Variants in MCTP1 observed in about 807,000 individuals in gnomAD.
MCTP1 encodes multiple C2 and transmembrane domain-containing protein 1.
A neutral mutation model predicts 120.6 loss-of-function variants in MCTP1; 69 were observed. That is an observed-to-expected ratio of 0.57 (90% CI 0.47 to 0.70). MCTP1 has a LOEUF of 0.70. MCTP1 is among the 30% of genes least tolerant of loss of function. The pLI, the probability that MCTP1 is intolerant of heterozygous loss-of-function variation, is 0.00. For missense variants in MCTP1, 1,203 were observed against 1,248.8 expected (o/e 0.96, Z 0.55); for synonymous variants, 529 against 493.1 (o/e 1.07, Z -0.96).
At chr5:95,057,820 T>C (rs1490245172) in intron 1 of MCTP1, among the ~76,000 whole-genome samples, 2 of 152,302 alleles carry the variant, frequency 1.3e-5, no homozygotes, top group African/African-American at 4.8e-5. Context: ...GGATCACCAA[T>C]GATCCGCAAA....
At chr5:95,023,761 C>T (rs564693246) in intron 1 of MCTP1, among the ~76,000 whole-genome samples, 43 of 152,282 alleles carry the variant, frequency 2.8e-4, no homozygotes, top group Non-Finnish European at 5.7e-4. Context: ...AGCTTCCAAA[C>T]ATAAAGATAT....
intron 19 of MCTP1, among the ~76,000 whole-genome samples, chr5:94,724,720 C>T (rs1304614087): frequency 1.3e-5 from 2 of 152,098 alleles, no homozygotes; most frequent in Non-Finnish European, 2.9e-5. Context: ...TACCCAGGGA[C>T]CTGTATTTGA....
At chr5:94,809,537 G>A (rs1783016519) in intron 17 of MCTP1, among the ~76,000 whole-genome samples, 1 of 152,094 alleles carries the variant, frequency 6.6e-6, no homozygotes, top group Admixed American at 6.6e-5. Context: ...TTAGAAATTA[G>A]TCTGTTACCT....
intron 1 of MCTP1, among the ~76,000 whole-genome samples, chr5:95,041,375 G>A (rs1204251570): frequency 6.6e-6 from 1 of 151,022 alleles, no homozygotes; most frequent in Non-Finnish European, 1.5e-5. Context: ...AAACTATATG[G>A]TAATTTTAAC....
chr5:94,927,675 A>C (rs1813508424), intron 6 of MCTP1, among the ~76,000 whole-genome samples: 1 of 152,188 alleles, frequency 6.6e-6, no homozygotes, highest in Non-Finnish European at 1.5e-5. Context: ...ATACTTAAAG[A>C]TGTGTTAATC....
chr5:95,157,278 C>G (rs1367450360), intron 1 of MCTP1, among the ~76,000 whole-genome samples: 1 of 152,022 alleles, frequency 6.6e-6, no homozygotes, highest in East Asian at 1.9e-4. Context: ...GGGAATGGGA[C>G]ATGGAATAGC....
intron 5 of MCTP1, among the ~76,000 whole-genome samples, chr5:94,932,841 A>G (rs2153482987): frequency 6.6e-6 from 1 of 152,126 alleles, no homozygotes; most frequent in East Asian, 1.9e-4. Context: ...TGCTTGTGCC[A>G]TATTTGTGTA....
chr5:95,283,762 C>T (rs1186472778), intron 1 of MCTP1, 94 bp downstream of exon 1: 15 of 1,049,088 alleles, frequency 1.4e-5, no homozygotes, highest in Non-Finnish European at 1.7e-5. Flanking sequence ...CTCCCGCCTC[C>T]CGGCCCCCGC....
At chr5:95,115,424 CAA>C (rs1757751212) in intron 1 of MCTP1, among the ~76,000 whole-genome samples, 1 of 151,784 alleles carries the variant, frequency 6.6e-6, no homozygotes, top group Non-Finnish European at 1.5e-5. Flanking sequence ...ATAAACTGAA[CAA>C]AGAGATTAAA....
intron 1 of MCTP1, among the ~76,000 whole-genome samples, chr5:95,078,160 T>C (rs1418747348): frequency 6.6e-6 from 1 of 152,206 alleles, no homozygotes; most frequent in East Asian, 1.9e-4. Context: ...CAAATCAAAA[T>C]GGACCTAGTT....
intron 2 of MCTP1, among the ~76,000 whole-genome samples, chr5:95,014,881 T>C (rs994995138): frequency 3.9e-5 from 6 of 152,140 alleles, no homozygotes; most frequent in Non-Finnish European, 8.8e-5. Flanking sequence ...AACTTCATTG[T>C]TGTGTAATTT....
chr5:95,001,332 C>G (rs559502727), intron 2 of MCTP1, among the ~76,000 whole-genome samples: 2 of 152,234 alleles, frequency 1.3e-5, no homozygotes, highest in East Asian at 3.9e-4. Flanking sequence ...GTGGAAGTGA[C>G]TTTGGAACTC....
intron 1 of MCTP1, among the ~76,000 whole-genome samples, chr5:95,064,637 G>C (rs1423913989): frequency 6.6e-6 from 1 of 152,160 alleles, no homozygotes; most frequent in African/African-American, 2.4e-5. Context: ...AGGTCCACCA[G>C]AGGTGCAGTG....
intron 1 of MCTP1, among the ~76,000 whole-genome samples, chr5:95,265,644 G>A (rs185008304): frequency 1.3e-5 from 2 of 152,248 alleles, no homozygotes; most frequent in South Asian, 2.1e-4. Context: ...TCGCAAATGA[G>A]GTCATTAAGC....
intron 12 of MCTP1, among the ~76,000 whole-genome samples, chr5:94,878,743 A>G (rs528890221): frequency 1.3e-5 from 2 of 152,238 alleles, no homozygotes; most frequent in South Asian, 4.2e-4. Flanking sequence ...GCTGTCTTCA[A>G]ATTTACTTAT....
chr5:94,804,221 G>A (rs1451276269), intron 17 of MCTP1, among the ~76,000 whole-genome samples: 1 of 152,084 alleles, frequency 6.6e-6, no homozygotes, highest in African/African-American at 2.4e-5. Flanking sequence ...ATACAGTTTC[G>A]ACTAGAAGCC....
At chr5:94,920,461 G>A (rs1291468043) in intron 7 of MCTP1, among the ~76,000 whole-genome samples, 2 of 152,070 alleles carry the variant, frequency 1.3e-5, no homozygotes, top group South Asian at 2.1e-4. Flanking sequence ...CCAACAACTC[G>A]GCAGGGCGCG....
At chr5:94,776,977 T>TA (rs1775491229) in intron 19 of MCTP1, among the ~76,000 whole-genome samples, 1 of 152,182 alleles carries the variant, frequency 6.6e-6, no homozygotes, top group South Asian at 2.1e-4. Context: ...TTCAAGCACT[T>TA]AAAAGCCTAC....
At chr5:94,770,694 C>T (rs547042421) in intron 19 of MCTP1, among the ~76,000 whole-genome samples, 3 of 152,258 alleles carry the variant, frequency 2.0e-5, no homozygotes, top group Non-Finnish European at 2.9e-5. Flanking sequence ...CACCACCAGC[C>T]GGAATCACTA....
Sources: allele counts gnomAD v4.1 joint callset (sites outside exome capture counted in the v4.1 genomes callset), GRCh38; gene constraint gnomAD v4.1.1; transcripts MANE v1.5; gene names NCBI Gene and HGNC (gene_info 2026-07-23, HGNC 2026-07-21).